GMDS: variants seen among roughly 807,000 people sequenced by gnomAD.
GMDS encodes the protein GDP-mannose 4,6-dehydratase.
Under a neutral mutation model 49.9 loss-of-function variants are expected in GMDS, and 20 were observed. That is an observed-to-expected ratio of 0.40 (90% CI 0.28 to 0.58). The LOEUF is 0.58. Among genes scored for constraint, GMDS ranks in the 20% least tolerant of loss-of-function variants. The pLI is 0.42. For synonymous variants in GMDS, 177 were observed against 178.6 expected (o/e 0.99, Z 0.07); for missense variants, 362 against 481.4 (o/e 0.75, Z 2.32).
intron 4 of GMDS, among the ~76,000 whole-genome samples, chr6:2,049,583 A>C (rs1425456106): frequency 6.6e-6 from 1 of 152,186 alleles, no homozygotes; most frequent in Non-Finnish European, 1.5e-5. Flanking sequence ...CAAGGTAAGG[A>C]TCTTAAGATG....
intron 4 of GMDS, among the ~76,000 whole-genome samples, chr6:2,091,795 C>G (rs370494878): frequency 6.6e-6 from 1 of 151,678 alleles, no homozygotes; most frequent in East Asian, 1.9e-4. Flanking sequence ...CCCAGCTACT[C>G]GGGAGACTGA....
At chr6:1,866,687 G>C (rs1183817123) in intron 7 of GMDS, among the ~76,000 whole-genome samples, 2 of 152,236 alleles carry the variant, frequency 1.3e-5, no homozygotes, top group Non-Finnish European at 2.9e-5. Context: ...CATGCACTGT[G>C]TTTGGTGAAG....
intron 7 of GMDS, among the ~76,000 whole-genome samples, chr6:1,852,841 G>C (rs1301478728): frequency 6.6e-6 from 1 of 151,828 alleles, no homozygotes; most frequent in African/African-American, 2.4e-5. Context: ...TGAGTAGCTG[G>C]GATTTCAGGC....
rs1158184791 is a variant in GMDS, at chr6:1,995,135, T to C, written c.346-34169A>G. Among the ~76,000 whole-genome samples the C allele has an allele frequency of 2.6e-5, 4 of 151,588 alleles. 1 individual carries two copies. Among genetic ancestry groups the C allele is most frequent in the Admixed American group, 6.6e-5 (1 of 15,222 alleles). The stretch of plus-strand genomic sequence containing the variant: ...GCTGTACACCACAGCCAGGGAGAAA[T>C]GGGGCAGCAGAAACTGAGGGGCCAC... On this transcript the variant is annotated intron_variant, in intron 4 of 10. Coordinates refer to ENST00000380815, the MANE Select transcript of GMDS (RefSeq NM_001500.4).
chr6:1,990,585 C>A (rs1469501694), intron 4 of GMDS, among the ~76,000 whole-genome samples: 1 of 151,988 alleles, frequency 6.6e-6, no homozygotes, highest in Non-Finnish European at 1.5e-5. Flanking sequence ...CTGTTTTATT[C>A]TTTTTTTGTT....
intron 1 of GMDS, among the ~76,000 whole-genome samples, chr6:2,240,321 T>C (rs9503132): frequency 0.079 from 12,100 of 152,248 alleles, 1,601 homozygotes; most frequent in African/African-American, 0.27. Context: ...GTTAACACTA[T>C]GGAGGGAAGG....
chr6:2,146,710 G>A (rs769793058), intron 1 of GMDS, among the ~76,000 whole-genome samples: 4 of 152,108 alleles, frequency 2.6e-5, no homozygotes, highest in Non-Finnish European at 5.9e-5. Context: ...TTTATAGTAG[G>A]GATGTTTGAT....
intron 9 of GMDS, among the ~76,000 whole-genome samples, chr6:1,723,131 A>G (rs1766443927): frequency 6.6e-6 from 1 of 152,150 alleles, no homozygotes. Context: ...AGGTGGAACT[A>G]CGCCCTCTAT....
At chr6:2,127,193 T>C (rs941996698) in intron 1 of GMDS, among the ~76,000 whole-genome samples, 5 of 152,072 alleles carry the variant, frequency 3.3e-5, no homozygotes, top group African/African-American at 7.2e-5. Context: ...ATAATCAATA[T>C]CCCTATAAAT....
chr6:1,747,490 GCACA>G (rs1178016445), intron 7 of GMDS, among the ~76,000 whole-genome samples: 1 of 118,818 alleles, frequency 8.4e-6, no homozygotes, highest in Non-Finnish European at 1.9e-5. Flanking sequence ...GCGTGTGCGC[GCACA>G]CACACACACA....
At chr6:2,148,072 C>T (rs994662351) in intron 1 of GMDS, among the ~76,000 whole-genome samples, 4 of 152,020 alleles carry the variant, frequency 2.6e-5, no homozygotes, top group African/African-American at 9.7e-5. Flanking sequence ...CTGTTTCAGT[C>T]CTGTGTTTTG....
chr6:2,142,150 T>C (rs1776329998), intron 1 of GMDS, among the ~76,000 whole-genome samples: 1 of 152,204 alleles, frequency 6.6e-6, no homozygotes, highest in Non-Finnish European at 1.5e-5. Context: ...TTTACGTTTT[T>C]GTCCCTAGGC....
chr6:1,862,465 C>A (rs186474561), intron 7 of GMDS, among the ~76,000 whole-genome samples: 3 of 152,318 alleles, frequency 2.0e-5, no homozygotes, highest in African/African-American at 7.2e-5. Context: ...TGCAGCTTAT[C>A]AAGCTATCAA....
intron 4 of GMDS, among the ~76,000 whole-genome samples, chr6:1,998,242 C>A (rs1343309432): frequency 1.3e-5 from 2 of 152,124 alleles, no homozygotes; most frequent in Admixed American, 1.3e-4. Flanking sequence ...GAATCATCAA[C>A]CTAACGAAAA....
intron 4 of GMDS, among the ~76,000 whole-genome samples, chr6:2,013,844 G>GTAATAATA (rs1223162495): frequency 3.0e-3 from 12 of 3,994 alleles, no homozygotes; most frequent in Non-Finnish European, 8.8e-3. Context: ...AGGAAGAAAT[G>GTAATAATA]GCTGAGAATT....
intron 4 of GMDS, among the ~76,000 whole-genome samples, chr6:1,964,123 G>T (rs140864728): frequency 5.2e-4 from 79 of 152,314 alleles, no homozygotes; most frequent in African/African-American, 1.8e-3. Context: ...GCTTTCCAGA[G>T]ATTTGTGGAT....
chr6:1,939,618 CAG>C (rs1762723351), intron 6 of GMDS, among the ~76,000 whole-genome samples: 1 of 150,896 alleles, frequency 6.6e-6, no homozygotes, highest in Non-Finnish European at 1.5e-5. Flanking sequence ...TACACACACA[CAG>C]AGTCCATGTT....
chr6:2,206,592 T>C (rs1169073638), intron 1 of GMDS, among the ~76,000 whole-genome samples: 1 of 152,210 alleles, frequency 6.6e-6, no homozygotes. Flanking sequence ...ACCAACCTCA[T>C]ATTCATATAC....
chr6:1,690,477 C>T (rs1217406227), intron 9 of GMDS, among the ~76,000 whole-genome samples: 1 of 152,198 alleles, frequency 6.6e-6, no homozygotes, highest in African/African-American at 2.4e-5. Context: ...AATAGGGAAT[C>T]CTTCCCCCAT....
Sources: allele counts gnomAD v4.1 joint callset (sites outside exome capture counted in the v4.1 genomes callset), GRCh38; gene constraint gnomAD v4.1.1; transcripts MANE v1.5; gene names NCBI Gene and HGNC (gene_info 2026-07-23, HGNC 2026-07-21).